Variants in TLL1 observed in about 807,000 individuals in gnomAD.
TLL1 encodes the protein tolloid like 1, also known as tolloid-like protein 1.
TLL1 carries 49 observed loss-of-function variants against 128.2 expected under a neutral mutation model. The ratio of observed to expected loss-of-function variants is 0.38; its 90% confidence interval spans 0.30 to 0.48. The LOEUF (loss-of-function observed/expected upper bound fraction) is 0.48, where lower values mean the gene tolerates loss of function less well. TLL1 is among the 20% of genes least tolerant of loss of function. The pLI is 0.96. For missense variants in TLL1, 1,123 were observed against 1,242.0 expected, an observed-to-expected ratio of 0.90 and a Z score of 1.44; for synonymous variants, 454 against 418.8, an observed-to-expected ratio of 1.08 and a Z score of -1.03.
intron 1 of TLL1, among the ~76,000 whole-genome samples, chr4:165,882,639 G>C (rs1731011108): frequency 6.6e-6 from 1 of 151,978 alleles, no homozygotes; most frequent in Non-Finnish European, 1.5e-5. Context: ...TTTTTTTTGA[G>C]ACGGGTTTTG....
intron 1 of TLL1, among the ~76,000 whole-genome samples, chr4:165,972,335 T>C (rs1369736604): frequency 6.6e-6 from 1 of 152,242 alleles, no homozygotes; most frequent in Non-Finnish European, 1.5e-5. Flanking sequence ...TCCAAAGATA[T>C]GACTGTTGGC....
chr4:165,876,363 G>C (rs940415052), intron 1 of TLL1, among the ~76,000 whole-genome samples: 8 of 151,922 alleles, frequency 5.3e-5, no homozygotes, highest in Non-Finnish European at 1.2e-4. Context: ...CTGAAATAAG[G>C]AAGATGGGGA....
chr4:165,910,600 C>A (rs1732485203), intron 1 of TLL1, among the ~76,000 whole-genome samples: 1 of 152,116 alleles, frequency 6.6e-6, no homozygotes, highest in Admixed American at 6.5e-5. Context: ...CCTTTTGTAA[C>A]TAGTGTATAG....
intron 1 of TLL1, among the ~76,000 whole-genome samples, chr4:165,953,597 CCTT>C (rs1734641087): frequency 6.9e-6 from 1 of 145,796 alleles, no homozygotes. Context: ...GAAGGAAACA[CCTT>C]CGAGATAGGT....
intron 19 of TLL1, among the ~76,000 whole-genome samples, chr4:166,093,805 A>G (rs903443628): frequency 3.3e-5 from 5 of 152,142 alleles, no homozygotes; most frequent in Non-Finnish European, 5.9e-5. Flanking sequence ...AGACTAGAGA[A>G]TGGCGATGAC....
intron 13 of TLL1, among the ~76,000 whole-genome samples, chr4:166,056,853 A>G (rs1033712640): frequency 7.9e-5 from 12 of 152,108 alleles, no homozygotes; most frequent in Admixed American, 3.9e-4. Flanking sequence ...ATGAATTTGT[A>G]TACGTTATCC....
intron 19 of TLL1, 134 bp from the exon 20 acceptor site, chr4:166,099,143 G>A: frequency 2.1e-6 from 3 of 1,418,696 alleles, no homozygotes; most frequent in Non-Finnish European, 3.0e-6. Context: ...TCCAGTTGTG[G>A]AAAACATATC....
rs1236329861 is a variant in TLL1, at chr4:165,970,557, G to A, written c.170-18824G>A. Among the ~76,000 whole-genome samples the A allele has an allele frequency of 2.0e-5, 3 of 152,284 alleles. No homozygotes were observed. The East Asian group carries it at 5.8e-4, about 29-fold the overall frequency. On this transcript the variant is annotated intron_variant, in intron 1 of 20. Coordinates refer to ENST00000061240, the MANE Select transcript of TLL1 (RefSeq NM_012464.5). Reference sequence around the variant, plus strand: ...CTTCACAGGAGGCATAAGAATGCTAGCATTTAAAATAGACATTATTCTTTT... The same window carrying A: ...CTTCACAGGAGGCATAAGAATGCTAACATTTAAAATAGACATTATTCTTTT...
At chr4:165,887,988 T>G (rs189011953) in intron 1 of TLL1, among the ~76,000 whole-genome samples, 1 of 152,320 alleles carries the variant, frequency 6.6e-6, no homozygotes, top group East Asian at 1.9e-4. Context: ...TTTTTTATAT[T>G]TTTACTTTAT....
chr4:166,042,085 G>C lies in TLL1; in HGVS notation c.1320G>C (p.Trp440Cys). 1 of 1,612,570 alleles carries C rather than the reference G, an allele frequency of 6.2e-7. No individual in the cohort carries two copies. Among genetic ancestry groups the C allele is most frequent in the Non-Finnish European group, 8.5e-7 (1 of 1,178,842 alleles). The change falls in exon 11 of 21, where the codon TGG (tryptophan) becomes TGC (cysteine). Residue 440 changes from tryptophan to cysteine, a missense_variant. This residue lies in a region of TLL1 where 9 missense variants were observed against 27.2 expected (regional missense o/e 0.33). Transcript: ENST00000061240. The part of the protein sequence containing the change: ...EVLTSTDSRM[W>C]IEFRSSSNWV... ...TTACTTCTACAGACAGCAGAATGTG[G>C]ATTGAGTTTCGTAGCAGCAGTAATT...
chr4:166,099,047 A>G (rs1293933583), intron 19 of TLL1, among the ~76,000 whole-genome samples: 2 of 152,132 alleles, frequency 1.3e-5, no homozygotes, highest in African/African-American at 4.8e-5. Context: ...CCAGAGTCAC[A>G]GAGCCAGCAG....
chr4:166,088,432 A>G (rs901307565), intron 18 of TLL1, among the ~76,000 whole-genome samples: 2 of 152,074 alleles, frequency 1.3e-5, no homozygotes, highest in African/African-American at 4.8e-5. Flanking sequence ...CTGTTGATGT[A>G]AAGTCACTGT....
intron 12 of TLL1, among the ~76,000 whole-genome samples, chr4:166,047,185 T>C (rs958735465): frequency 6.6e-6 from 1 of 151,742 alleles, no homozygotes; most frequent in African/African-American, 2.4e-5. Flanking sequence ...TTTTTTGAGA[T>C]GGAGTCTTGC....
intron 8 of TLL1, among the ~76,000 whole-genome samples, chr4:166,021,770 T>A (rs1738248936): frequency 6.6e-6 from 1 of 152,148 alleles, no homozygotes. Flanking sequence ...CTGTAGTGAA[T>A]CCCTTGTCTA....
chr4:166,034,072 A>C (rs1450181848), intron 9 of TLL1, among the ~76,000 whole-genome samples: 3 of 152,160 alleles, frequency 2.0e-5, no homozygotes, highest in Admixed American at 2.0e-4. Flanking sequence ...ATTACTATTA[A>C]ATTATTCTAT....
At chr4:165,974,009 A>ATTATATTTT (rs1735751850) in intron 1 of TLL1, among the ~76,000 whole-genome samples, 1 of 151,582 alleles carries the variant, frequency 6.6e-6, no homozygotes, top group Admixed American at 6.6e-5. Flanking sequence ...GAGTTTCAAG[A>ATTATATTTT]TTATATTTTT....
rs746750970 is a variant in TLL1 at position 166,025,425 on chromosome 4, G to C, written c.1152G>C (p.Gly384=). 6.2e-7 allele frequency: 1 copy of C among 1,605,486 alleles called. No homozygotes were observed. Among genetic ancestry groups the C allele is most frequent in the Admixed American group, 1.7e-5 (1 of 59,992 alleles). The part of the protein sequence containing the change: ...HCIWRVSVTP[G]EKIVLNFTTM... ...TCTGGAGAGTTTCTGTGACCCCAGG[G>C]GAGAAGGTAGTTTATACCGTCAAGC... is the stretch of plus-strand genomic sequence containing the variant. The change falls in exon 9 of 21, where the codon GGG becomes GGC. Residue 384 remains glycine (G), a synonymous_variant. Transcript: ENST00000061240.
At chr4:165,956,015 T>G (rs2110948814) in intron 1 of TLL1, among the ~76,000 whole-genome samples, 1 of 151,968 alleles carries the variant, frequency 6.6e-6, no homozygotes, top group South Asian at 2.1e-4. Context: ...TTATTAAGGG[T>G]TTCTAAAGGG....
chr4:165,935,913 A>G (rs1579509237), intron 1 of TLL1, among the ~76,000 whole-genome samples: 1 of 151,948 alleles, frequency 6.6e-6, no homozygotes, highest in East Asian at 1.9e-4. Flanking sequence ...CCTCTTTTAT[A>G]TTTCCAGCAA....
Sources: allele counts gnomAD v4.1 joint callset (sites outside exome capture counted in the v4.1 genomes callset), GRCh38; gene constraint gnomAD v4.1.1; regional missense constraint gnomAD v4.1.1; transcripts MANE v1.5; gene names NCBI Gene and HGNC (gene_info 2026-07-23, HGNC 2026-07-21).